The following RSBN1L variants were observed in gnomAD, a reference collection of about 807,000 sequenced individuals.
The protein encoded by RSBN1L is lysine-specific demethylase RSBN1L.
RSBN1L carries 30 observed loss-of-function variants against 67.7 expected under a neutral mutation model. The observed-to-expected ratio is 0.44, with a 90% CI of 0.33 to 0.60. The LOEUF (loss-of-function observed/expected upper bound fraction) is 0.60. Ranked by LOEUF, RSBN1L falls within the 20% of genes least tolerant of loss-of-function variation. RSBN1L has a pLI of 0.02. For synonymous variants in RSBN1L, 433 were observed against 387.0 expected (o/e 1.12, Z -1.39); for missense variants, 992 against 1,031.7 (o/e 0.96, Z 0.53).
chr7:77,720,713 C>T (rs1235960736), intron 1 of RSBN1L, among the ~76,000 whole-genome samples: 1 of 148,808 alleles, frequency 6.7e-6, no homozygotes, highest in Non-Finnish European at 1.5e-5. Context: ...TGAATTATTT[C>T]TATTATATCA....
intron 2 of RSBN1L, among the ~76,000 whole-genome samples, chr7:77,745,387 C>T (rs1321068822): frequency 5.9e-5 from 9 of 151,980 alleles, no homozygotes; most frequent in Non-Finnish European, 2.9e-5. Flanking sequence ...TAGCAATATG[C>T]CAGATACTAT....
chr7:77,739,549 C>T (rs1484379806), intron 2 of RSBN1L, among the ~76,000 whole-genome samples: 1 of 151,016 alleles, frequency 6.6e-6, no homozygotes, highest in Non-Finnish European at 1.5e-5. Flanking sequence ...CCCATCTCTA[C>T]TAAAAATAGA....
rs781403528 is a variant in RSBN1L at position 77,768,733 on chromosome 7, A to G, written c.1555A>G (p.Met519Val). Reference sequence around the variant, plus strand: ...AAAAGATAGTGATGATGGTCCCATCATGTGGGTTCGTCCAGGAGAACAAAT... The same window carrying G: ...AAAAGATAGTGATGATGGTCCCATCGTGTGGGTTCGTCCAGGAGAACAAAT... ...SRKDSDDGPI[M>V]WVRPGEQMIP... is the part of the protein sequence containing the mutation. The change falls in exon 5 of 8, where the codon ATG becomes GTG. Residue 519 changes from methionine (M) to valine (V), a missense_variant. By Grantham distance (21) the Met-to-Val change is conservative (BLOSUM62 1). Transcript: ENST00000334955. The G allele has an allele frequency of 6.2e-7, 1 of 1,614,096 alleles. No individual in the cohort carries two copies. The highest frequency in any genetic ancestry group is 8.5e-7 in the Non-Finnish European group (1 of 1,179,946).
At chr7:77,763,695 A>G (rs1206007451) in intron 3 of RSBN1L, among the ~76,000 whole-genome samples, 1 of 152,140 alleles carries the variant, frequency 6.6e-6, no homozygotes, top group African/African-American at 2.4e-5. Flanking sequence ...CTGTTCTTAT[A>G]TTTGTTTGTT....
chr7:77,761,583 A>C lies in RSBN1L; in HGVS notation c.1345-3912A>C, dbSNP rs1337089883. 2.0e-5 allele frequency among the ~76,000 whole-genome samples: 3 copies of C among 152,210 alleles called. No homozygotes were observed. The East Asian group carries it at 5.8e-4, about 29-fold the overall frequency. On this transcript the variant is annotated intron_variant, in intron 3 of 7. Transcript: ENST00000334955. ...GTCACCAAAATCAAGAAGTATTTAC[A>C]TTTTTGTGAAAAGCGTGTGGATTTT... is the stretch of plus-strand genomic sequence containing the variant.
intron 5 of RSBN1L, 47 bp from the exon 6 acceptor site, chr7:77,773,100 A>G: frequency 9.8e-7 from 1 of 1,015,820 alleles, no homozygotes; most frequent in Non-Finnish European, 1.4e-6. Flanking sequence ...GTTTGATAGC[A>G]ATTAAGTGTC....
intron 3 of RSBN1L, chr7:77,759,524 A>G (rs944648000): frequency 4.6e-5 from 7 of 152,028 alleles, no homozygotes; most frequent in African/African-American, 1.7e-4. Flanking sequence ...AGATTGCCTC[A>G]GAATGTCCTG....
At chr7:77,733,159 GATT>G (rs1353624957) in intron 1 of RSBN1L, among the ~76,000 whole-genome samples, 1 of 152,134 alleles carries the variant, frequency 6.6e-6, no homozygotes, top group African/African-American at 2.4e-5. Flanking sequence ...TAAAAGACTG[GATT>G]TTGAAAAAGG....
chr7:77,777,465 T>G (rs1004543715), intron 6 of RSBN1L, among the ~76,000 whole-genome samples: 1 of 152,104 alleles, frequency 6.6e-6, no homozygotes. Context: ...TTGAACATGT[T>G]TTTATTTCAC....
chr7:77,773,226 A>G lies in RSBN1L; in HGVS notation c.1705A>G (p.Arg569Gly), dbSNP rs764274884. The change falls in exon 6 of 8, where the codon AGA becomes GGA. Residue 569 changes from arginine (R) to glycine (G), a missense_variant. Arg to Gly is a moderately radical substitution (Grantham distance 125). Transcript: ENST00000334955. ...TGAGATGCTCTTTGAAGACAGGACA[A>G]GAGCTCATGCAGATCATATAGGACA... ...PREMLFEDRT[R>G]AHADHIGQGF... is the part of the protein sequence containing the mutation. The G allele has an allele frequency of 1.2e-6, 2 of 1,613,608 alleles. No individual in the cohort carries two copies. The highest frequency in any genetic ancestry group is 1.7e-6 in the Non-Finnish European group (2 of 1,179,670).
intron 3 of RSBN1L, among the ~76,000 whole-genome samples, chr7:77,764,220 G>T (rs919552899): frequency 1.3e-5 from 2 of 152,170 alleles, no homozygotes; most frequent in African/African-American, 4.8e-5. Context: ...TAAATTTGTT[G>T]TCCACAAAGG....
chr7:77,751,435 C>T (rs557505555), intron 3 of RSBN1L, among the ~76,000 whole-genome samples: 49 of 152,230 alleles, frequency 3.2e-4, no homozygotes, highest in Non-Finnish European at 5.9e-4. Context: ...CCACCTCGCC[C>T]GGCCTGGAAA....
chr7:77,749,739 T>G lies in RSBN1L; in HGVS notation c.1019T>G (p.Leu340Trp), dbSNP rs1293595329. The G allele has an allele frequency of 6.2e-7, 1 of 1,614,080 alleles. No homozygotes were observed. Among genetic ancestry groups the G allele is most frequent in the African/African-American group, 1.3e-5 (1 of 74,946 alleles). Residue 340 changes from leucine to tryptophan, a missense_variant, in exon 3 of 8, where the codon TTG becomes TGG. Around this residue, in one of 7 missense-constraint regions of RSBN1L, gnomAD observed 575 missense variants for 483.2 expected, o/e 1.19. Transcript: ENST00000334955. ...EPRVQNNLKRLDTLEFKQLIH... is the reference protein window; with the variant it reads ...EPRVQNNLKRWDTLEFKQLIH... The stretch of plus-strand genomic sequence containing the variant: ...CGAGTTCAGAATAACCTCAAAAGGT[T>G]GGACACTTTGGAATTTAAACAACTC...
intron 1 of RSBN1L, among the ~76,000 whole-genome samples, chr7:77,735,582 A>G (rs1375691008): frequency 6.6e-6 from 1 of 152,188 alleles, no homozygotes; most frequent in Non-Finnish European, 1.5e-5. Flanking sequence ...ATGCATGTAT[A>G]CTATATAATC....
intron 1 of RSBN1L, among the ~76,000 whole-genome samples, chr7:77,720,280 G>T (rs1468406466): frequency 6.6e-6 from 1 of 152,150 alleles, no homozygotes; most frequent in Admixed American, 6.6e-5. Context: ...ATTGTAAAAG[G>T]CTGGGCGTGG....
At chr7:77,773,484 GC>G in intron 6 of RSBN1L, 170 bp downstream of exon 6, 1 of 456,194 alleles carries the variant, frequency 2.2e-6, no homozygotes, top group South Asian at 6.1e-5. Context: ...CTAGAATCTG[GC>G]TGGGTGGGGT....
intron 1 of RSBN1L, among the ~76,000 whole-genome samples, chr7:77,708,492 C>A (rs1790924947): frequency 6.6e-6 from 1 of 152,010 alleles, no homozygotes; most frequent in African/African-American, 2.4e-5. Flanking sequence ...TGCCATTCTC[C>A]TGCCTCAGCC....
chr7:77,757,218 C>G (rs1791631230), intron 3 of RSBN1L, among the ~76,000 whole-genome samples: 1 of 152,206 alleles, frequency 6.6e-6, no homozygotes, highest in Non-Finnish European at 1.5e-5. Flanking sequence ...ATCTGTTCAA[C>G]TTTATTAAAC....
At chr7:77,755,622 G>T (rs1056827715) in intron 3 of RSBN1L, among the ~76,000 whole-genome samples, 1 of 152,088 alleles carries the variant, frequency 6.6e-6, no homozygotes, top group African/African-American at 2.4e-5. Flanking sequence ...AACCGAGATC[G>T]CGCCATTGCA....
Sources: allele counts gnomAD v4.1 joint callset (sites outside exome capture counted in the v4.1 genomes callset), GRCh38; gene constraint gnomAD v4.1.1; regional missense constraint gnomAD v4.1.1; transcripts MANE v1.5; gene names NCBI Gene and HGNC (gene_info 2026-07-23, HGNC 2026-07-21).